The following CACNA1C variants were observed in gnomAD, a reference collection of about 807,000 sequenced individuals.
CACNA1C encodes calcium voltage-gated channel subunit alpha1 C.
A neutral mutation model predicts 229.0 loss-of-function variants in CACNA1C; 30 were observed. The observed-to-expected ratio is 0.13, with a 90% CI of 0.10 to 0.18. CACNA1C has a LOEUF of 0.18. CACNA1C is among the 10% of genes least tolerant of loss of function. The pLI is 1.00. For synonymous variants in CACNA1C, 1,114 were observed against 1,132.5 expected, an observed-to-expected ratio of 0.98 and a Z score of 0.33; for missense variants, 1,658 against 2,845.0, an observed-to-expected ratio of 0.58 and a Z score of 9.49.
At chr12:2,529,956 A>G (rs780566530) in intron 9 of CACNA1C, among the ~76,000 whole-genome samples, 14 of 152,304 alleles carry the variant, frequency 9.2e-5, no homozygotes, top group African/African-American at 2.6e-4. Context: ...TGAAAGGTCA[A>G]CTCCCTTCAA....
At chr12:2,163,420 G>A (rs1406945805) in intron 3 of CACNA1C, among the ~76,000 whole-genome samples, 1 of 152,042 alleles carries the variant, frequency 6.6e-6, no homozygotes, top group Non-Finnish European at 1.5e-5. Flanking sequence ...GTAATCTTTG[G>A]ACTCCACACC....
At chr12:2,173,587 AGT>A (rs2096559823) in intron 3 of CACNA1C, among the ~76,000 whole-genome samples, 1 of 152,088 alleles carries the variant, frequency 6.6e-6, no homozygotes, top group Admixed American at 6.5e-5. Flanking sequence ...CTCTATGTGC[AGT>A]GTGTGTTTTC....
At chr12:2,506,293 G>C (rs2099771718) in intron 8 of CACNA1C, among the ~76,000 whole-genome samples, 1 of 152,172 alleles carries the variant, frequency 6.6e-6, no homozygotes, top group African/African-American at 2.4e-5. Context: ...ATGCCCATGT[G>C]TTTATATGTG....
At chr12:2,548,818 G>A (rs370270050) in intron 9 of CACNA1C, among the ~76,000 whole-genome samples, 16 of 152,110 alleles carry the variant, frequency 1.1e-4, no homozygotes, top group African/African-American at 3.1e-4. Flanking sequence ...AGCCTCGCAG[G>A]GACTTGTCAC....
At chr12:2,240,030 C>A (rs551511570) in intron 3 of CACNA1C, among the ~76,000 whole-genome samples, 3 of 152,366 alleles carry the variant, frequency 2.0e-5, no homozygotes, top group African/African-American at 7.2e-5. Context: ...TGCTTTATTA[C>A]TCATAGAAAT....
chr12:2,584,438 C>T (rs577878503), intron 15 of CACNA1C, 65 bp from the exon 16 acceptor site: 312 of 1,138,748 alleles, frequency 2.7e-4, no homozygotes, highest in Admixed American at 2.1e-3. Flanking sequence ...CCACATCCCC[C>T]GTGCCCCTGT....
At chr12:1,978,427 G>A (rs954507035) in intron 1 of CACNA1C, among the ~76,000 whole-genome samples, 1 of 152,064 alleles carries the variant, frequency 6.6e-6, no homozygotes, top group Non-Finnish European at 1.5e-5. Flanking sequence ...CAGAAACACT[G>A]GTTAATAAAT....
intron 15 of CACNA1C, among the ~76,000 whole-genome samples, chr12:2,583,464 C>G (rs1216380556): frequency 6.6e-6 from 1 of 152,228 alleles, no homozygotes; most frequent in African/African-American, 2.4e-5. Flanking sequence ...TTCCTGATCC[C>G]GGCTGGGGCA....
chr12:2,655,112 C>T (rs1481786866), intron 33 of CACNA1C, 35 bp from the exon 34 acceptor site: 2 of 1,333,458 alleles, frequency 1.5e-6, no homozygotes, highest in Non-Finnish European at 2.2e-6. Context: ...TATCTGTCCA[C>T]AAATCACTGA....
At chr12:2,095,617 A>G (rs2073565399) in intron 1 of CACNA1C, among the ~76,000 whole-genome samples, 1 of 152,176 alleles carries the variant, frequency 6.6e-6, no homozygotes, top group South Asian at 2.1e-4. Context: ...CCAGTCCTTC[A>G]AGGACCCTGG....
chr12:2,260,145 C>T (rs150753926), intron 3 of CACNA1C, among the ~76,000 whole-genome samples: 1 of 152,208 alleles, frequency 6.6e-6, no homozygotes, highest in East Asian at 1.9e-4. Context: ...GTGGGGGGCA[C>T]ATTTTGGCCT....
intron 1 of CACNA1C, among the ~76,000 whole-genome samples, chr12:2,101,838 T>G (rs1389312146): frequency 1.3e-5 from 2 of 151,202 alleles, no homozygotes; most frequent in African/African-American, 4.9e-5. Flanking sequence ...TGTGTTCTAG[T>G]TCTGCTGCCT....
intron 1 of CACNA1C, among the ~76,000 whole-genome samples, chr12:2,043,642 CTTTTT>C (rs67625680): frequency 6.6e-5 from 6 of 91,380 alleles, no homozygotes; most frequent in Non-Finnish European, 1.0e-4. Context: ...ACAGAATATT[CTTTTT>C]TTTTTTTTTT....
Position 2,606,640 on chromosome 12 carries a change from C to G in CACNA1C, c.3186C>G (p.Ser1062=). ...AGCTGTACACCTGTTCAGACAGTTC[C>G]AAGCAGACAGAGGCGGAATGCAAGT... is the stretch of plus-strand genomic sequence containing the variant. ...KGKLYTCSDS[S]KQTEAECKGN... is the part of the protein sequence containing the mutation. The change falls in exon 25 of 47, where the codon TCC becomes TCG. Residue 1062 remains serine (S), a synonymous_variant. Coordinates refer to ENST00000399655, the MANE Select transcript of CACNA1C (RefSeq NM_000719.7). 2 of 1,609,238 alleles carry G rather than the reference C, an allele frequency of 1.2e-6. No individual in the cohort carries two copies. Among genetic ancestry groups the G allele is most frequent in the Non-Finnish European group, 1.7e-6 (2 of 1,178,088 alleles).
At chr12:2,589,470 G>C (rs111967698) in intron 18 of CACNA1C, among the ~76,000 whole-genome samples, 13 of 152,360 alleles carry the variant, frequency 8.5e-5, no homozygotes, top group Non-Finnish European at 1.8e-4. Flanking sequence ...GTCTCTTACA[G>C]GGATGCACTT....
intron 3 of CACNA1C, among the ~76,000 whole-genome samples, chr12:2,323,099 C>T (rs750477440): frequency 3.3e-5 from 5 of 152,134 alleles, no homozygotes; most frequent in African/African-American, 7.2e-5. Context: ...TCTCCCTCCC[C>T]GCCTTCCTCC....
rs117460707 is a variant in CACNA1C, at chr12:2,505,582, T to C, written c.1217+637T>C. ...CAGAAGGCTGAGACAGGAGGATCAC[T>C]TGAGCCCAGGAGTTCAAGGCTGCAG... On this transcript the variant is annotated intron_variant, in intron 8 of 46. Transcript: ENST00000399655. Among the ~76,000 whole-genome samples the C allele has an allele frequency of 3.8e-3, 580 of 152,280 alleles. 1 individual carries two copies. Among genetic ancestry groups the C allele is most frequent in the Middle Eastern group, 6.8e-3 (2 of 294 alleles).
intron 3 of CACNA1C, among the ~76,000 whole-genome samples, chr12:2,334,764 A>G (rs2096642569): frequency 6.6e-6 from 1 of 152,162 alleles, no homozygotes. Flanking sequence ...AAACTGTCCC[A>G]TTGTATGATG....
At chr12:2,302,216 C>T (rs971197772) in intron 3 of CACNA1C, among the ~76,000 whole-genome samples, 6 of 152,088 alleles carry the variant, frequency 3.9e-5, no homozygotes, top group African/African-American at 1.4e-4. Flanking sequence ...TTGCTATTAA[C>T]CCATTCGCCA....
Sources: allele counts gnomAD v4.1 joint callset (sites outside exome capture counted in the v4.1 genomes callset), GRCh38; gene constraint gnomAD v4.1.1; transcripts MANE v1.5; gene names NCBI Gene and HGNC (gene_info 2026-07-23, HGNC 2026-07-21).